The following UCHL1 variants were observed in gnomAD, a reference collection of about 807,000 sequenced individuals.
UCHL1 encodes ubiquitin carboxyl-terminal hydrolase isozyme L1.
Under a neutral mutation model 33.3 loss-of-function variants are expected in UCHL1, and 5 were observed. That is an observed-to-expected ratio of 0.15 (90% CI 0.08 to 0.32). The LOEUF is 0.32. UCHL1 is among the 10% of genes least tolerant of loss of function. The pLI is 1.00. For synonymous variants in UCHL1, 132 were observed against 108.8 expected (o/e 1.21, Z -1.33); for missense variants, 236 against 280.0 (o/e 0.84, Z 1.12).
chr4:41,257,056 G>A lies in UCHL1; in HGVS notation c.33+47G>A, dbSNP rs372590899. The A allele has an allele frequency of 6.2e-6, 10 of 1,614,092 alleles. No individual in the cohort carries two copies. In the South Asian group the frequency reaches 8.8e-5, roughly 14 times the overall value. ...ACCCGGAGAGCGCGAGGCCGAGGGA[G>A]GGGGAGCCGAGTCGCTGATCGGTTC... On this transcript the variant is annotated intron_variant, in intron 1 of 8. Coordinates refer to ENST00000284440, the MANE Select transcript of UCHL1 (RefSeq NM_004181.5).
Position 41,257,750 on chromosome 4 carries a change from G to T in UCHL1, c.174+13G>T, listed in dbSNP as rs1332166419. On this transcript the variant is annotated intron_variant, in intron 3 of 8. Coordinates refer to ENST00000284440, the MANE Select transcript of UCHL1 (RefSeq NM_004181.5). Reference sequence around the variant, plus strand: ...CCTCACGGCCCAGGTAGGGCGTGGGGCCCAGGATGCGCCGGCCGCCGGCAG... The same window carrying T: ...CCTCACGGCCCAGGTAGGGCGTGGGTCCCAGGATGCGCCGGCCGCCGGCAG... 4 of 1,566,128 alleles carry T rather than the reference G, an allele frequency of 2.6e-6. No homozygotes were observed. The highest frequency in any genetic ancestry group is 1.2e-5 in the South Asian group (1 of 85,860).
At position 41,263,302 on chromosome 4, in the gene UCHL1, C is replaced by T. The variant is rs1781103293; in HGVS notation, c.526+11C>T. ...ACCTCTATGAACTTGGTATGTTTTA[C>T]TCCATTTTTGGAACCCAGTGTAGTT... On this transcript the variant is annotated intron_variant, in intron 7 of 8. Transcript: ENST00000284440. 1.1e-5 allele frequency: 18 copies of T among 1,613,390 alleles called. No individual in the cohort carries two copies. Among genetic ancestry groups the T allele is most frequent in the Middle Eastern group, 1.6e-4 (1 of 6,080 alleles).
intron 6 of UCHL1, among the ~76,000 whole-genome samples, chr4:41,263,003 A>G (rs562687607): frequency 5.3e-5 from 8 of 152,284 alleles, no homozygotes; most frequent in Non-Finnish European, 7.4e-5. Flanking sequence ...TTTTCTCCTC[A>G]GTAAAAATCC....
At chr4:41,259,496 G>T (rs1437154181) in intron 3 of UCHL1, among the ~76,000 whole-genome samples, 1 of 152,188 alleles carries the variant, frequency 6.6e-6, no homozygotes, top group East Asian at 1.9e-4. Context: ...AAGCGAAAAA[G>T]TTCTGCTAGT....
chr4:41,265,427 A>C (rs1781136035), intron 8 of UCHL1, among the ~76,000 whole-genome samples: 1 of 152,068 alleles, frequency 6.6e-6, no homozygotes, highest in Non-Finnish European at 1.5e-5. Flanking sequence ...AAAATATAAA[A>C]ATTAGCCAGA....
intron 8 of UCHL1, among the ~76,000 whole-genome samples, chr4:41,266,860 C>G (rs1781162893): frequency 6.6e-6 from 1 of 152,152 alleles, no homozygotes; most frequent in African/African-American, 2.4e-5. Context: ...GCTGCCTCAG[C>G]TTCCCAAAGT....
In UCHL1 at chr4:41,268,331, T is replaced by C. The variant is rs1004149787; in HGVS notation, c.*258T>C. The C allele has an allele frequency of 1.1e-5, 6 of 535,316 alleles. No individual in the cohort carries two copies. The African/African-American group carries it at 1.1e-4, about 10-fold the overall frequency. The allele number at this position is 535,316 out of a possible 1,614,324, so 33.2% of individuals were successfully genotyped here. ...ATGTCTTGTATCCGATATCTAACGC[T>C]TTAAATGGCTACTTTGGTTTCTGTC... On this transcript the variant is annotated 3_prime_UTR_variant, in exon 9 of 9. Coordinates refer to ENST00000284440, the MANE Select transcript of UCHL1 (RefSeq NM_004181.5).
chr4:41,263,213 G>T lies in UCHL1; in HGVS notation c.460-12G>T. ...TTACACTCATTTTCAAAAATTTCTTGACTTTCTTTAGGTAGATGACAAGGT... is the reference window on the plus strand; with the variant it reads ...TTACACTCATTTTCAAAAATTTCTTTACTTTCTTTAGGTAGATGACAAGGT... On this transcript the variant is annotated splice_polypyrimidine_tract_variant and intron_variant, in intron 6 of 8. Coordinates refer to ENST00000284440, the MANE Select transcript of UCHL1 (RefSeq NM_004181.5). 1 of 1,612,606 alleles carries T rather than the reference G, an allele frequency of 6.2e-7. No homozygotes were observed. The highest frequency in any genetic ancestry group is 1.1e-5 in the South Asian group (1 of 91,022).
In UCHL1 at chr4:41,268,218, C is replaced by T; in HGVS notation, c.*145C>T. Reference sequence around the variant, plus strand: ...AGACACGCCTTCCCCTCAGCCACACCCAGGCACTTAAGCACAAGCAGAGTG... The same window carrying T: ...AGACACGCCTTCCCCTCAGCCACACTCAGGCACTTAAGCACAAGCAGAGTG... On this transcript the variant is annotated 3_prime_UTR_variant, in exon 9 of 9. Coordinates refer to ENST00000284440, the MANE Select transcript of UCHL1 (RefSeq NM_004181.5). The T allele has an allele frequency of 1.3e-6, 1 of 777,908 alleles. No individual in the cohort carries two copies. Among genetic ancestry groups the T allele is most frequent in the Non-Finnish European group, 2.2e-6 (1 of 460,818 alleles). 48.2% of individuals were successfully genotyped at this position (777,908 alleles called of 1,614,324 possible).
In UCHL1 at chr4:41,257,745, G is replaced by T. The variant is rs1417512081; in HGVS notation, c.174+8G>T. The T allele has an allele frequency of 6.4e-7, 1 of 1,570,528 alleles. No homozygotes were observed. Among genetic ancestry groups the T allele is most frequent in the South Asian group, 1.2e-5 (1 of 86,244 alleles). On this transcript the variant is annotated splice_region_variant and intron_variant, in intron 3 of 8. Coordinates refer to ENST00000284440, the MANE Select transcript of UCHL1 (RefSeq NM_004181.5). The stretch of plus-strand genomic sequence containing the variant: ...TTTCCCCTCACGGCCCAGGTAGGGC[G>T]TGGGGCCCAGGATGCGCCGGCCGCC...
chr4:41,261,960 G>T (rs200793891), intron 6 of UCHL1, 37 bp downstream of exon 6: 16 of 1,609,898 alleles, frequency 9.9e-6, no homozygotes, highest in Non-Finnish European at 1.4e-5. Flanking sequence ...GGCTGCCTGG[G>T]TGCCATCTGT....
chr4:41,261,913 G>GT lies in UCHL1; in HGVS notation c.449_450insT (p.Gln151ProfsTer6). The GT allele has an allele frequency of 6.2e-7, 1 of 1,614,130 alleles. No individual in the cohort carries two copies. The highest frequency in any genetic ancestry group is 8.5e-7 in the Non-Finnish European group (1 of 1,180,030). ...GCCCATGATGCCGTGGCACAGGAAGGCCAATGTCGGGTAAATGCAAATACA... is the reference window on the plus strand; with the variant it reads ...GCCCATGATGCCGTGGCACAGGAAGGTCCAATGTCGGGTAAATGCAAATACA... On this transcript the variant is annotated frameshift_variant, in exon 6 of 9. Transcript: ENST00000284440. LOFTEE classifies it high-confidence loss of function.
At chr4:41,257,548 T>C in intron 2 of UCHL1, 61 bp from the exon 3 acceptor site, 1 of 1,440,046 alleles carries the variant, frequency 6.9e-7, no homozygotes, top group South Asian at 1.4e-5. Context: ...CCCCGCCCCC[T>C]GGCAGGTGCC....
At chr4:41,261,978 C>A in intron 6 of UCHL1, 55 bp downstream of exon 6, 2 of 1,601,888 alleles carry the variant, frequency 1.2e-6, no homozygotes. Flanking sequence ...TGTGTTTCTA[C>A]TGAAATTGTG....
chr4:41,267,232 T>TTTTTTTTGTTAAGGCTG (rs1781167987), intron 8 of UCHL1, among the ~76,000 whole-genome samples: 1 of 122 alleles, frequency 8.2e-3, no homozygotes, highest in African/African-American at 9.4e-3. Flanking sequence ...GTTAAGGCTG[T>TTTTTTTTGTTAAGGCTG]TTTTTTTTTT....
chr4:41,257,019 A>G lies in UCHL1; in HGVS notation c.33+10A>G. 6.2e-7 allele frequency: 1 copy of G among 1,614,026 alleles called. No individual in the cohort carries two copies. Among genetic ancestry groups the G allele is most frequent in the Non-Finnish European group, 8.5e-7 (1 of 1,180,002 alleles). On this transcript the variant is annotated intron_variant, in intron 1 of 8. Coordinates refer to ENST00000284440, the MANE Select transcript of UCHL1 (RefSeq NM_004181.5). ...GGAGATCAACCCCGAGGTGAGCGCC[A>G]GGTGCACCGCTACCCGGAGAGCGCG... is the stretch of plus-strand genomic sequence containing the variant.
Position 41,261,716 on chromosome 4 carries a change from G to C in UCHL1, c.327G>C (p.Glu109Asp), listed in dbSNP as rs1423374507. The C allele has an allele frequency of 6.2e-7, 1 of 1,610,506 alleles. No homozygotes were observed. Among genetic ancestry groups the C allele is most frequent in the Non-Finnish European group, 8.5e-7 (1 of 1,179,524 alleles). ...VANNQDKLGF[E>D]DGSVLKQFLS... is the part of the protein sequence containing the mutation. Reference sequence around the variant, plus strand: ...TAACACATCCATTTTTTTTTTAAGAGGATGGATCAGTTCTGAAACAGTTTC... The same window carrying C: ...TAACACATCCATTTTTTTTTTAAGACGATGGATCAGTTCTGAAACAGTTTC... The change falls in exon 5 of 9, where the codon GAG (glutamate) becomes GAC (aspartate). Residue 109 changes from glutamate to aspartate, a missense_variant and splice_region_variant. Glu to Asp is a conservative substitution (Grantham distance 45). Transcript: ENST00000284440.
chr4:41,258,683 A>G (rs1781023286), intron 3 of UCHL1, among the ~76,000 whole-genome samples: 1 of 152,214 alleles, frequency 6.6e-6, no homozygotes, highest in South Asian at 2.1e-4. Context: ...TAACTGAAGC[A>G]CCGTCCTAAG....
Position 41,261,792 on chromosome 4 carries a change from A to C in UCHL1, c.403A>C (p.Lys135Gln), listed in dbSNP as rs200775509. Residue 135 changes from lysine (K) to glutamine (Q), a missense_variant, in exon 5 of 9, where the codon AAG (lysine) becomes CAG (glutamine). Physicochemically the swap from Lys to Gln is moderately conservative, Grantham distance 53 (BLOSUM62 1). Transcript: ENST00000284440. ...TGAAGACAGAGCAAAATGCTTTGAA[A>C]AGAATGAGGTAAGAGAACTTACAGA... ...SPEDRAKCFEKNEAIQAAHDA... is the reference protein window; with the variant it reads ...SPEDRAKCFEQNEAIQAAHDA... The C allele has an allele frequency of 2.5e-6, 4 of 1,614,218 alleles. No homozygotes were observed. Among genetic ancestry groups the C allele is most frequent in the Non-Finnish European group, 3.4e-6 (4 of 1,180,050 alleles).
Sources: gnomAD v4.1 joint callset for allele counts (sites outside exome capture counted in the v4.1 genomes callset) on GRCh38, gnomAD v4.1.1 for gene constraint, MANE v1.5 for transcripts, NCBI Gene and HGNC (gene_info 2026-07-23, HGNC 2026-07-21) for gene names.